The following CUX1 variants were observed in gnomAD, a reference collection of about 807,000 sequenced individuals.
CUX1 encodes the protein cut like homeobox 1, also known as protein CASP.
Under a neutral mutation model 158.8 loss-of-function variants are expected in CUX1, and 31 were observed. The observed-to-expected ratio is 0.20, with a 90% CI of 0.15 to 0.26. The LOEUF (loss-of-function observed/expected upper bound fraction) is 0.26, where lower values mean the gene tolerates loss of function less well. Among genes scored for constraint, CUX1 ranks in the 10% least tolerant of loss-of-function variants. The pLI is 1.00. For missense variants in CUX1, 1,589 were observed against 2,014.6 expected (o/e 0.79, Z 4.04); for synonymous variants, 879 against 862.1 (o/e 1.02, Z -0.34).
At chr7:102,244,510 C>A (rs982414075) in intron 23 of CUX1, among the ~76,000 whole-genome samples, 1 of 139,412 alleles carries the variant, frequency 7.2e-6, no homozygotes, top group East Asian at 2.2e-4. Flanking sequence ...CCAGACTGGG[C>A]AACATAGTGA....
intron 17 of CUX1, among the ~76,000 whole-genome samples, chr7:102,277,080 G>A (rs1273641695): frequency 6.6e-6 from 1 of 152,080 alleles, no homozygotes; most frequent in Non-Finnish European, 1.5e-5. Flanking sequence ...TGGGAAGATT[G>A]CTTGAGCCCA....
intron 1 of CUX1, among the ~76,000 whole-genome samples, chr7:101,853,748 G>C (rs149338921): frequency 7.9e-5 from 12 of 152,284 alleles, no homozygotes; most frequent in Admixed American, 7.8e-4. Context: ...CTCTAGCAAG[G>C]AGCCCTCAGT....
intron 2 of CUX1, chr7:101,932,594 C>T (rs1379021246): frequency 1.8e-5 from 8 of 455,398 alleles, no homozygotes; most frequent in South Asian, 7.7e-5. Context: ...ATGAAGATTT[C>T]GGCCTGGTTG....
intron 20 of CUX1, among the ~76,000 whole-genome samples, chr7:102,225,238 G>A (rs1170287091): frequency 6.6e-6 from 1 of 152,180 alleles, no homozygotes; most frequent in African/African-American, 2.4e-5. Flanking sequence ...CCCAGGTCAA[G>A]GACACAGCCT....
At chr7:102,162,568 C>T (rs1357968894) in intron 9 of CUX1, among the ~76,000 whole-genome samples, 1 of 151,740 alleles carries the variant, frequency 6.6e-6, no homozygotes, top group Non-Finnish European at 1.5e-5. Flanking sequence ...TATGGCACCA[C>T]GCATGGCTAA....
rs540483180 is a variant in CUX1, at chr7:101,944,461, C to T, written c.141+28236C>T. 1.3e-3 allele frequency among the ~76,000 whole-genome samples: 196 copies of T among 152,328 alleles called. 6 individuals are homozygous for T. In the South Asian group the frequency reaches 0.034, roughly 26 times the overall value. On this transcript the variant is annotated intron_variant, in intron 2 of 23. Transcript: ENST00000292535. ...CTGGGTGTTACCATCCTGGCTCACG[C>T]GGGAGACGCATGCTCCTCCGTGACT...
rs1798268054 is a variant in CUX1, at chr7:101,869,625, GGCGGGAGGAGGCGTTGGTGT to G, written c.31-46487_31-46468del. On this transcript the variant is annotated intron_variant, in intron 1 of 23. Coordinates refer to ENST00000292535, the MANE Select transcript of CUX1 (RefSeq NM_181552.4). The surrounding 1 kb of genome is among the most constrained non-coding windows in gnomAD (Gnocchi z 4.5). ...TCAGCCAAGGTCAGGCGGCCAGCAG[GGCGGGAGGAGGCGTTGGTGT>G]GCACACGCGGGGAGCCTCCGTGTCC... Among the ~76,000 whole-genome samples, 1 of 152,128 alleles carries G rather than the reference GGCGGGAGGAGGCGTTGGTGT, an allele frequency of 6.6e-6. No homozygotes were observed. The highest frequency in any genetic ancestry group is 6.5e-5 in the Admixed American group (1 of 15,272).
intron 1 of CUX1, among the ~76,000 whole-genome samples, chr7:101,913,628 G>A (rs1016667092): frequency 7.2e-5 from 11 of 152,124 alleles, no homozygotes; most frequent in South Asian, 2.1e-4. Context: ...GTTGGGGGTC[G>A]GGGCTGGGAC....
chr7:102,039,828 G>C (rs1299514467), intron 3 of CUX1, among the ~76,000 whole-genome samples: 6 of 152,158 alleles, frequency 3.9e-5, no homozygotes, highest in Non-Finnish European at 8.8e-5. Flanking sequence ...CTACAACCAC[G>C]ATCTGCATCG....
chr7:101,933,200 C>G (rs907829081), intron 2 of CUX1, among the ~76,000 whole-genome samples: 1 of 151,962 alleles, frequency 6.6e-6, no homozygotes. Flanking sequence ...CTCGATAAAT[C>G]ACCTTTTTTT....
intron 2 of CUX1, among the ~76,000 whole-genome samples, chr7:101,939,612 G>A (rs1049119802): frequency 2.0e-5 from 3 of 151,826 alleles, no homozygotes; most frequent in African/African-American, 7.3e-5. Context: ...CGGGTGGATC[G>A]CTTGAGCCCA....
At chr7:102,052,526 C>T (rs922724206) in intron 3 of CUX1, among the ~76,000 whole-genome samples, 4 of 152,052 alleles carry the variant, frequency 2.6e-5, no homozygotes, top group African/African-American at 7.3e-5. Context: ...TTTTATTTAT[C>T]CAATTATCAG....
chr7:102,217,241 C>A (rs1554525184), intron 20 of CUX1, among the ~76,000 whole-genome samples: 1 of 152,236 alleles, frequency 6.6e-6, no homozygotes. Context: ...GTAATTTAAG[C>A]AGGGTTTTTA....
intron 2 of CUX1, among the ~76,000 whole-genome samples, chr7:101,926,328 T>TC (rs1389562785): frequency 7.2e-5 from 11 of 152,102 alleles, no homozygotes; most frequent in Admixed American, 7.2e-4. Context: ...TTCTTTTGGG[T>TC]CTCTAGGGGA....
intron 1 of CUX1, among the ~76,000 whole-genome samples, chr7:101,833,562 T>TAAAAAAAAAAA (rs534986714): frequency 1.3e-5 from 1 of 75,810 alleles, no homozygotes; most frequent in African/African-American, 5.7e-5. Context: ...CTCTGTCTCT[T>TAAAAAAAAAAA]AAAAAAAAAA....
chr7:102,187,496 GT>G (rs1183815389), intron 11 of CUX1, among the ~76,000 whole-genome samples: 1 of 152,172 alleles, frequency 6.6e-6, no homozygotes, highest in Non-Finnish European at 1.5e-5. Flanking sequence ...CAGGTCAGAA[GT>G]GACAGACTCG....
chr7:102,038,131 C>T (rs963402751), intron 3 of CUX1, among the ~76,000 whole-genome samples: 23 of 151,990 alleles, frequency 1.5e-4, no homozygotes, highest in African/African-American at 5.3e-4. Flanking sequence ...AAAGGTTTGC[C>T]GTTCTCAATA....
intron 2 of CUX1, among the ~76,000 whole-genome samples, chr7:101,996,119 A>T (rs928129378): frequency 6.6e-6 from 1 of 152,030 alleles, no homozygotes; most frequent in Non-Finnish European, 1.5e-5. Flanking sequence ...TCCAAAAAAA[A>T]AAAAGAGAGA....
upstream of CUX1, chr7:101,817,241 G>A: frequency 1.0e-6 from 1 of 984,794 alleles, no homozygotes; most frequent in Non-Finnish European, 1.2e-6. This position sits in a 1 kb window ranked among gnomAD's most constrained non-coding sequence, Gnocchi z 4.1. Context: ...AGCCGCGATC[G>A]CCGCGCGCCT....
Sources: gnomAD v4.1 joint callset for allele counts (sites outside exome capture counted in the v4.1 genomes callset) on GRCh38, gnomAD v4.1.1 for gene constraint, Gnocchi (gnomAD v3.1) non-coding constraint, MANE v1.5 for transcripts, NCBI Gene and HGNC (gene_info 2026-07-23, HGNC 2026-07-21) for gene names.